S100Z: variants seen among roughly 807,000 people sequenced by gnomAD.
S100Z encodes protein S100-Z.
A neutral mutation model predicts 8.5 loss-of-function variants in S100Z; 11 were observed. That is an observed-to-expected ratio of 1.30 (90% CI 0.82 to 2.15). The LOEUF (loss-of-function observed/expected upper bound fraction) is 2.15, where lower values mean the gene tolerates loss of function less well. Ranked by LOEUF, S100Z falls within the 30% of genes most tolerant of loss-of-function variation. The pLI is 0.00. For synonymous variants in S100Z, 34 were observed against 43.8 expected (o/e 0.78, Z 0.89); for missense variants, 126 against 117.9 (o/e 1.07, Z -0.32).
At chr5:76,951,445 A>G in the S100Z span, among the ~76,000 whole-genome samples, 1 of 152,196 alleles carries the variant, frequency 6.6e-6, no homozygotes, top group Admixed American at 6.5e-5. Context: ...CTAAGAGGTA[A>G]AGGCAGAGGT....
chr5:76,916,586 G>A (rs193218962), intron 4 of S100Z, among the ~76,000 whole-genome samples: 74 of 149,848 alleles, frequency 4.9e-4, no homozygotes, highest in African/African-American at 1.8e-3. Context: ...TCCTAAGAGT[G>A]TGTTTTCTGA....
intron 3 of S100Z, among the ~76,000 whole-genome samples, chr5:76,877,225 T>C (rs976254266): frequency 1.3e-5 from 2 of 152,222 alleles, no homozygotes; most frequent in East Asian, 1.9e-4. Context: ...CCCTGAAATG[T>C]GTGGATAGAA....
At chr5:76,857,224 G>A (rs887864396) in intron 1 of S100Z, among the ~76,000 whole-genome samples, 8 of 152,012 alleles carry the variant, frequency 5.3e-5, no homozygotes, top group African/African-American at 1.7e-4. Context: ...CCTGGGAGGT[G>A]GAGGTTGCAG....
intron 4 of S100Z, among the ~76,000 whole-genome samples, chr5:76,905,592 T>G (rs112298573): frequency 0.017 from 2,571 of 151,942 alleles, 65 homozygotes; most frequent in African/African-American, 0.056. Flanking sequence ...TTTTGTATTT[T>G]TAGTAGAGAT....
chr5:76,908,948 A>G (rs114613079), intron 4 of S100Z, among the ~76,000 whole-genome samples: 6,287 of 152,092 alleles, frequency 0.041, 349 homozygotes, highest in African/African-American at 0.11. Context: ...AAGTGTGCAG[A>G]TTTTTGAGAA....
At chr5:76,924,781 G>A (rs1715763), downstream of S100Z, among the ~76,000 whole-genome samples, 95 of 152,204 alleles carry the variant, frequency 6.2e-4, no homozygotes, top group Non-Finnish European at 1.2e-3. Flanking sequence ...ATGGTGGCAG[G>A]CACCTGTAAT....
At position 76,884,699 on chromosome 5, in the gene S100Z, G is replaced by A. The variant is rs183898080; in HGVS notation, c.*2+6865G>A. ...GGGCAAGTGGGGGAGGACTAGTCAC[G>A]GAACAAAACTGTAAACCAGACTGGG... On this transcript the variant is annotated intron_variant, in intron 4 of 4. Transcript: ENST00000317593. Among the ~76,000 whole-genome samples, 17 of 152,248 alleles carry A rather than the reference G, an allele frequency of 1.1e-4. No individual in the cohort carries two copies. In the South Asian group the frequency reaches 2.3e-3, roughly 20 times the overall value.
At chr5:76,866,716 T>C (rs2150630408) in intron 1 of S100Z, among the ~76,000 whole-genome samples, 1 of 152,344 alleles carries the variant, frequency 6.6e-6, no homozygotes, top group Non-Finnish European at 1.5e-5. Flanking sequence ...GGCTATGCCA[T>C]ATGGCCTAGG....
chr5:76,912,264 A>C (rs1209397729), intron 4 of S100Z, among the ~76,000 whole-genome samples: 2 of 152,176 alleles, frequency 1.3e-5, no homozygotes, highest in Non-Finnish European at 2.9e-5. Context: ...ACATATGTGC[A>C]TGGCCTCAAC....
At chr5:76,904,246 C>T (rs544425887) in intron 4 of S100Z, among the ~76,000 whole-genome samples, 2 of 152,254 alleles carry the variant, frequency 1.3e-5, no homozygotes, top group East Asian at 1.9e-4. Context: ...CTGGGTTAAA[C>T]TGCAGTGGTG....
chr5:76,900,269 A>G (rs1226649415), intron 4 of S100Z, among the ~76,000 whole-genome samples: 1 of 152,136 alleles, frequency 6.6e-6, no homozygotes, highest in Non-Finnish European at 1.5e-5. Flanking sequence ...GAATATTGAT[A>G]TCTTTCTCTA....
chr5:76,942,540 T>A, the S100Z span, among the ~76,000 whole-genome samples: 1 of 152,152 alleles, frequency 6.6e-6, no homozygotes, highest in Non-Finnish European at 1.5e-5. Flanking sequence ...ATTAGAAATG[T>A]TAAAATGTCA....
chr5:76,914,947 C>T (rs1040057609), intron 4 of S100Z, among the ~76,000 whole-genome samples: 12 of 152,130 alleles, frequency 7.9e-5, no homozygotes, highest in Admixed American at 2.6e-4. Context: ...TAACACTCAC[C>T]GCAAGGGTCT....
At chr5:76,863,751 G>A (rs1010669612) in intron 1 of S100Z, among the ~76,000 whole-genome samples, 2 of 152,034 alleles carry the variant, frequency 1.3e-5, no homozygotes, top group Admixed American at 6.6e-5. Flanking sequence ...TGTTAGCCAG[G>A]ATGGTCTCGA....
At chr5:76,880,890 G>C (rs1038874368) in intron 4 of S100Z, among the ~76,000 whole-genome samples, 4 of 151,920 alleles carry the variant, frequency 2.6e-5, no homozygotes, top group Admixed American at 2.0e-4. Context: ...CCCTTTTTTA[G>C]TCAGGGCCTC....
intron 4 of S100Z, among the ~76,000 whole-genome samples, chr5:76,907,001 T>C (rs1305458221): frequency 4.9e-4 from 8 of 16,242 alleles, no homozygotes; most frequent in African/African-American, 1.8e-3. Flanking sequence ...TATATATATA[T>C]ATATATATAT....
chr5:76,949,070 T>C, the S100Z span, among the ~76,000 whole-genome samples: 1 of 152,200 alleles, frequency 6.6e-6, no homozygotes, highest in Non-Finnish European at 1.5e-5. Flanking sequence ...GTGACAAACC[T>C]GCACATGTAC....
At chr5:76,867,786 T>C (rs1742822225) in intron 1 of S100Z, among the ~76,000 whole-genome samples, 1 of 152,128 alleles carries the variant, frequency 6.6e-6, no homozygotes, top group Non-Finnish European at 1.5e-5. Flanking sequence ...TTCGCCATGT[T>C]GGCCAGGCTG....
At chr5:76,886,141 C>G (rs915669057) in intron 4 of S100Z, among the ~76,000 whole-genome samples, 11 of 152,290 alleles carry the variant, frequency 7.2e-5, no homozygotes, top group Admixed American at 7.2e-4. Flanking sequence ...GTGCTTGCCG[C>G]TAAGGGTGAA....
Sources: allele counts gnomAD v4.1 joint callset (sites outside exome capture counted in the v4.1 genomes callset), GRCh38; gene constraint gnomAD v4.1.1; transcripts MANE v1.5; gene names NCBI Gene and HGNC (gene_info 2026-07-23, HGNC 2026-07-21).